GPN2: variants seen among roughly 807,000 people sequenced by gnomAD.
GPN2 encodes the protein GPN-loop GTPase 2.
In GPN2, 27 loss-of-function variants were observed where a neutral mutation model predicts 30.1. The observed-to-expected ratio is 0.90, with a 90% CI of 0.66 to 1.24. The LOEUF (loss-of-function observed/expected upper bound fraction) is 1.24, where lower values mean the gene tolerates loss of function less well. GPN2 is among the 50% of genes most tolerant of loss of function. The pLI is 0.00. For synonymous variants in GPN2, 212 were observed against 174.4 expected, an observed-to-expected ratio of 1.22 and a Z score of -1.70; for missense variants, 406 against 405.4, an observed-to-expected ratio of 1.00 and a Z score of -0.01.
intron 3 of GPN2, 104 bp downstream of exon 3, chr1:26,885,869 G>C (rs1028929505): frequency 1.1e-6 from 1 of 902,294 alleles, no homozygotes; most frequent in Non-Finnish European, 1.8e-6. Context: ...TTGAGCAACC[G>C]CGCCCAGCCG....
In GPN2 at chr1:26,889,729, G is replaced by C; in HGVS notation, c.368C>G (p.Ala123Gly). ...GQVELCTHHG[A>G]LRSIFSQMAQ... ...CATTTGGGAGAAGATGCTGCGCAAG[G>C]CGCCGTGATGCGTGCAGAGCTCCAC... Residue 123 changes from alanine to glycine, a missense_variant, in exon 1 of 5, where the codon GCC (alanine) becomes GGC (glycine). Physicochemically the swap from Ala to Gly is moderately conservative, Grantham distance 60. Transcript: ENST00000374135. The C allele has an allele frequency of 6.2e-7, 1 of 1,604,742 alleles. No homozygotes were observed. The highest frequency in any genetic ancestry group is 2.2e-5 in the East Asian group (1 of 44,720).
chr1:26,877,325 T>G lies in GPN2; in HGVS notation c.*2352A>C, dbSNP rs2081842058. On this transcript the variant is annotated 3_prime_UTR_variant, in exon 5 of 5. Coordinates refer to ENST00000374135, the MANE Select transcript of GPN2 (RefSeq NM_018066.4). ...GCCTCCTCATAGCCCCTCATTCATC[T>G]GCCTTTGGCTCTGGCTGCCACAACC... 1 of 152,264 alleles carries G rather than the reference T, an allele frequency of 6.6e-6. No homozygotes were observed. Among genetic ancestry groups the G allele is most frequent in the African/African-American group, 2.4e-5 (1 of 41,476 alleles). 9.4% of individuals were successfully genotyped at this position (152,264 alleles called of 1,614,324 possible).
At position 26,884,289 on chromosome 1, in the gene GPN2, T is replaced by TCCTGAGC; in HGVS notation, c.730-6_730dup (p.Asp244GlyfsTer16). The TCCTGAGC allele has an allele frequency of 6.2e-7, 1 of 1,607,860 alleles. No individual in the cohort carries two copies. The highest frequency in any genetic ancestry group is 1.3e-5 in the African/African-American group (1 of 74,602). ...CAGGACTCGCTGGATGCTCTCCTTGTCCTGAGCAGGGAGGAGAGAAACAGT... is the reference window on the plus strand; with the variant it reads ...CAGGACTCGCTGGATGCTCTCCTTGTCCTGAGCCCTGAGCAGGGAGGAGAGAAACAGT... On this transcript the variant is annotated frameshift_variant and splice_region_variant, in exon 4 of 5. Transcript: ENST00000374135. LOFTEE classifies it high-confidence loss of function.
In GPN2 at chr1:26,889,125, G is replaced by C. The variant is rs981436549; in HGVS notation, c.412C>G (p.Leu138Val). Residue 138 changes from leucine (L) to valine (V), a missense_variant and splice_region_variant, in exon 2 of 5, where the codon CTG becomes GTG. Transcript: ENST00000374135. ...GAATCCACGAGGTGGACGGCAGTCA[G>C]CTGGGAGGGAATAGACAGGGTGAGA... ...FSQMAQWDLRLTAVHLVDSHY... is the reference protein window; with the variant it reads ...FSQMAQWDLRVTAVHLVDSHY... The C allele has an allele frequency of 3.0e-5, 48 of 1,612,806 alleles. 1 individual carries two copies. Among genetic ancestry groups the C allele is most frequent in the Non-Finnish European group, 3.8e-5 (45 of 1,179,130 alleles).
chr1:26,888,942 C>T, intron 2 of GPN2, 27 bp downstream of exon 2: 2 of 1,612,730 alleles, frequency 1.2e-6, no homozygotes, highest in Non-Finnish European at 1.7e-6. Context: ...TGCTGCCCTG[C>T]TCTTCGCCTG....
chr1:26,881,811 C>T (rs894033015), intron 4 of GPN2, among the ~76,000 whole-genome samples: 2 of 152,026 alleles, frequency 1.3e-5, no homozygotes, highest in African/African-American at 4.8e-5. Flanking sequence ...CTTTGGGAGG[C>T]TGAGGTGGGA....
Position 26,879,044 on chromosome 1 carries a change from G to A in GPN2, c.*633C>T, listed in dbSNP as rs2081852119. The A allele has an allele frequency of 6.6e-6, 1 of 152,338 alleles. No individual in the cohort carries two copies. Among genetic ancestry groups the A allele is most frequent in the Non-Finnish European group, 1.5e-5 (1 of 68,138 alleles). 9.4% of individuals were successfully genotyped at this position (152,338 alleles called of 1,614,324 possible). On this transcript the variant is annotated 3_prime_UTR_variant, in exon 5 of 5. Transcript: ENST00000374135. Reference sequence around the variant, plus strand: ...TTGCCTGTGAAAGCTGAAGCTTGAGGCTCTGTTAAAACTGAAAATTGTGGG... The same window carrying A: ...TTGCCTGTGAAAGCTGAAGCTTGAGACTCTGTTAAAACTGAAAATTGTGGG...
rs1219128813 is a variant in GPN2, at chr1:26,890,271, TACTA to T, written c.-179_-176del. The T allele has an allele frequency of 1.8e-6, 1 of 563,012 alleles. No homozygotes were observed. The highest frequency in any genetic ancestry group is 3.0e-6 in the Non-Finnish European group (1 of 331,708). 34.9% of individuals were successfully genotyped at this position (563,012 alleles called of 1,614,324 possible). ...CGCGCAAAAGGAGATAACAGGCCGA[TACTA>T]ACTAGACTAACTCGACTTCCGGACA... On this transcript the variant is annotated 5_prime_UTR_variant, in exon 1 of 5. Transcript: ENST00000374135.
intron 3 of GPN2, 38 bp from the exon 4 acceptor site, chr1:26,884,328 C>A: frequency 6.3e-7 from 1 of 1,584,304 alleles, no homozygotes; most frequent in South Asian, 1.2e-5. Flanking sequence ...GTGAGTGAAA[C>A]AGAAGTATGT....
At chr1:26,888,760 T>G (rs1277060616) in intron 2 of GPN2, 9 of 625,344 alleles carry the variant, frequency 1.4e-5, no homozygotes, top group Non-Finnish European at 2.6e-5. Flanking sequence ...TTGTAACACC[T>G]AACACCATCT....
Position 26,877,036 on chromosome 1 carries a change from G to A in GPN2, c.*2641C>T, listed in dbSNP as rs1389160944. ...CACCCACCCTAATGCCCTGATAAAG[G>A]ATTTGTCCAGTAGCCTGGGCGTCAG... On this transcript the variant is annotated 3_prime_UTR_variant, in exon 5 of 5. Transcript: ENST00000374135. The A allele has an allele frequency of 1.3e-5, 2 of 152,194 alleles. No homozygotes were observed. The highest frequency in any genetic ancestry group is 2.4e-5 in the African/African-American group (1 of 41,436). 9.4% of individuals were successfully genotyped at this position (152,194 alleles called of 1,614,324 possible).
chr1:26,886,113 T>G lies in GPN2; in HGVS notation c.589A>C (p.Thr197Pro). 6.2e-7 allele frequency: 1 copy of G among 1,613,558 alleles called. No homozygotes were observed. The highest frequency in any genetic ancestry group is 8.5e-7 in the Non-Finnish European group (1 of 1,179,508). ...AGGTAGGAGAGGTCCAGAACCTCTG[T>G]GTAGTAGTCCAGGTTGAAGGCTAAA... ...GKLAFNLDYY[T>P]EVLDLSYLLD... The change falls in exon 3 of 5, where the codon ACA becomes CCA. Residue 197 changes from threonine to proline, a missense_variant. Coordinates refer to ENST00000374135, the MANE Select transcript of GPN2 (RefSeq NM_018066.4).
intron 4 of GPN2, among the ~76,000 whole-genome samples, chr1:26,883,556 G>A (rs2081875014): frequency 6.6e-6 from 1 of 152,198 alleles, no homozygotes; most frequent in Non-Finnish European, 1.5e-5. Context: ...GGAGGCTGAG[G>A]CAGGTGGATC....
At chr1:26,881,897 A>G (rs1323483002) in intron 4 of GPN2, among the ~76,000 whole-genome samples, 1 of 151,960 alleles carries the variant, frequency 6.6e-6, no homozygotes, top group African/African-American at 2.4e-5. Context: ...GCAAAGGAGC[A>G]AGACCCTGCC....
intron 3 of GPN2, 73 bp from the exon 4 acceptor site, chr1:26,884,363 C>T (rs1358134361): frequency 1.4e-5 from 21 of 1,466,790 alleles, no homozygotes; most frequent in Non-Finnish European, 1.8e-5. Flanking sequence ...TCTCTAAATA[C>T]ACCTTCCTCC....
chr1:26,880,154 T>C (rs999745053), intron 4 of GPN2, among the ~76,000 whole-genome samples: 2 of 152,100 alleles, frequency 1.3e-5, no homozygotes, highest in African/African-American at 4.8e-5. Flanking sequence ...AGAAACAGAT[T>C]CTACACCCAC....
In GPN2 at chr1:26,890,112, C is replaced by T. The variant is rs1345251960; in HGVS notation, c.-16G>A. The stretch of plus-strand genomic sequence containing the variant: ...CCCCTGCCATTGGCGGCCCGCGGCC[C>T]GGAGCAGGTCAACTCACAGGGAAAA... On this transcript the variant is annotated 5_prime_UTR_variant, in exon 1 of 5. Coordinates refer to ENST00000374135, the MANE Select transcript of GPN2 (RefSeq NM_018066.4). The T allele has an allele frequency of 2.1e-5, 31 of 1,497,488 alleles. No homozygotes were observed. The highest frequency in any genetic ancestry group is 2.7e-5 in the Non-Finnish European group (31 of 1,130,796). 92.8% of individuals were successfully genotyped at this position (1,497,488 alleles called of 1,614,324 possible).
At chr1:26,884,417 T>C (rs1421993729) in intron 3 of GPN2, 127 bp from the exon 4 acceptor site, 1 of 848,444 alleles carries the variant, frequency 1.2e-6, no homozygotes, top group Non-Finnish European at 1.8e-6. Context: ...GGAGTAGTTC[T>C]ACATGTCCCC....
chr1:26,887,391 C>G (rs2081896146), intron 2 of GPN2, among the ~76,000 whole-genome samples: 1 of 152,128 alleles, frequency 6.6e-6, no homozygotes. Context: ...CTCTACATCA[C>G]TCCATGTCCA....
Sources: allele counts gnomAD v4.1 joint callset (sites outside exome capture counted in the v4.1 genomes callset), GRCh38; gene constraint gnomAD v4.1.1; transcripts MANE v1.5; gene names NCBI Gene and HGNC (gene_info 2026-07-23, HGNC 2026-07-21).